FAM184A: variants seen among roughly 807,000 people sequenced by gnomAD.
FAM184A encodes the protein protein FAM184A.
FAM184A carries 99 observed loss-of-function variants against 143.8 expected under a neutral mutation model. That is an observed-to-expected ratio of 0.69 (90% CI 0.58 to 0.81). The LOEUF is 0.81. Ranked by LOEUF, FAM184A falls within the 40% of genes least tolerant of loss-of-function variation. The pLI is 0.00. For synonymous variants in FAM184A, 427 were observed against 446.4 expected, an observed-to-expected ratio of 0.96 and a Z score of 0.55; for missense variants, 1,217 against 1,310.5, an observed-to-expected ratio of 0.93 and a Z score of 1.10.
At chr6:119,119,223 G>A (rs571920380) in intron 1 of FAM184A, among the ~76,000 whole-genome samples, 7 of 152,296 alleles carry the variant, frequency 4.6e-5, no homozygotes, top group African/African-American at 1.2e-4. Context: ...ATTTCGCCCC[G>A]GTCCTGTGGT....
chr6:119,026,450 T>C (rs1182068182), intron 1 of FAM184A, among the ~76,000 whole-genome samples: 1 of 151,910 alleles, frequency 6.6e-6, no homozygotes, highest in African/African-American at 2.4e-5. Context: ...ACTGAAAGGA[T>C]CTGTGATATA....
chr6:119,120,182 T>C (rs181604892), intron 1 of FAM184A, among the ~76,000 whole-genome samples: 14 of 152,348 alleles, frequency 9.2e-5, no homozygotes, highest in African/African-American at 3.4e-4. Context: ...AATCCGCTTG[T>C]TCTTCCCAGC....
chr6:119,121,633 G>T (rs1030374461), intron 1 of FAM184A, among the ~76,000 whole-genome samples: 5 of 152,104 alleles, frequency 3.3e-5, no homozygotes, highest in African/African-American at 1.2e-4. Flanking sequence ...ATTCTAATGA[G>T]GACATCTAAG....
chr6:119,106,359 C>T (rs1024799408), intron 1 of FAM184A, among the ~76,000 whole-genome samples: 14 of 152,164 alleles, frequency 9.2e-5, no homozygotes, highest in Non-Finnish European at 7.3e-5. Flanking sequence ...TGCCACTGCA[C>T]TCCAGGGTGG....
At chr6:119,083,014 C>G (rs1462022352), upstream of FAM184A, among the ~76,000 whole-genome samples, 1 of 152,232 alleles carries the variant, frequency 6.6e-6, no homozygotes, top group Non-Finnish European at 1.5e-5. Context: ...GAAATCTAGG[C>G]AGAGGTTCTC....
intron 1 of FAM184A, among the ~76,000 whole-genome samples, chr6:119,041,720 G>A (rs868643302): frequency 2.0e-5 from 3 of 152,150 alleles, no homozygotes; most frequent in Non-Finnish European, 2.9e-5. Flanking sequence ...CTCCGGATCC[G>A]GCAGGGTGTC....
chr6:119,017,736 C>G (rs955878497), intron 4 of FAM184A, among the ~76,000 whole-genome samples: 18 of 152,256 alleles, frequency 1.2e-4, no homozygotes, highest in African/African-American at 3.6e-4. Flanking sequence ...TCCACCAGAT[C>G]TCATGTTGAA....
intron 1 of FAM184A, chr6:119,031,273 T>C (rs1785861083): frequency 6.6e-6 from 1 of 152,172 alleles, no homozygotes; most frequent in Admixed American, 6.5e-5. Flanking sequence ...CCCAATATGA[T>C]GGTATTTGGA....
At chr6:119,120,188 C>G (rs1412378801) in intron 1 of FAM184A, among the ~76,000 whole-genome samples, 2 of 152,242 alleles carry the variant, frequency 1.3e-5, no homozygotes, top group Non-Finnish European at 2.9e-5. Context: ...CTTGTTCTTC[C>G]CAGCCCCTGG....
At chr6:119,081,258 C>T (rs377415535), upstream of FAM184A, among the ~76,000 whole-genome samples, 3 of 152,332 alleles carry the variant, frequency 2.0e-5, no homozygotes, top group East Asian at 3.9e-4. Context: ...ACAGCTCACT[C>T]ACCATGACAA....
At chr6:119,076,798 T>C (rs1028472170) in intron 1 of FAM184A, among the ~76,000 whole-genome samples, 1 of 152,220 alleles carries the variant, frequency 6.6e-6, no homozygotes, top group Non-Finnish European at 1.5e-5. Flanking sequence ...TCCAAATGTG[T>C]AAATGTTCTG....
At chr6:119,125,303 G>A in intron 1 of FAM184A, among the ~76,000 whole-genome samples, 1 of 152,146 alleles carries the variant, frequency 6.6e-6, no homozygotes, top group East Asian at 1.9e-4. Flanking sequence ...TTGAGATGGA[G>A]TCTTGCTCTG....
At chr6:119,041,010 C>G (rs1374898714) in intron 1 of FAM184A, among the ~76,000 whole-genome samples, 7 of 152,174 alleles carry the variant, frequency 4.6e-5, no homozygotes, top group Non-Finnish European at 8.8e-5. Flanking sequence ...CCACTTCCTC[C>G]TTTAGCTCCC....
chr6:119,086,959 T>C (rs1788239354), intron 1 of FAM184A, among the ~76,000 whole-genome samples: 1 of 151,114 alleles, frequency 6.6e-6, no homozygotes, highest in African/African-American at 2.4e-5. Context: ...GACAGGACAT[T>C]GAGGCTGAGG....
intron 1 of FAM184A, among the ~76,000 whole-genome samples, chr6:119,065,183 T>C (rs1314054344): frequency 6.6e-6 from 1 of 152,208 alleles, no homozygotes; most frequent in Non-Finnish European, 1.5e-5. Context: ...ATGTCACCAT[T>C]CTGTGATCAT....
At chr6:119,043,249 A>C (rs1302207218) in intron 1 of FAM184A, among the ~76,000 whole-genome samples, 1 of 152,206 alleles carries the variant, frequency 6.6e-6, no homozygotes, top group Non-Finnish European at 1.5e-5. Context: ...AAAAGCCTCC[A>C]AGGACAGACA....
chr6:119,102,784 C>CAAAAAAA lies in FAM184A; in HGVS notation c.-202+46287_-202+46293dup, dbSNP rs58686018. ...CAGCCTGATGACAGAGACTCCATCT[C>CAAAAAAA]AAAAAAAAAAAAAAAAAAAAAAAGA... is the stretch of plus-strand genomic sequence containing the variant. On this transcript the variant is annotated intron_variant, in intron 1 of 16. Transcript: ENST00000352896. 3.6e-3 allele frequency among the ~76,000 whole-genome samples: 109 copies of CAAAAAAA among 30,050 alleles called. 1 individual carries two copies. The highest frequency in any genetic ancestry group is 8.0e-3 in the African/African-American group (64 of 8,046). 19.7% of individuals were successfully genotyped at this position (30,050 alleles called of 152,430 possible).
chr6:119,099,168 G>A (rs572917726), intron 1 of FAM184A, among the ~76,000 whole-genome samples: 8 of 152,112 alleles, frequency 5.3e-5, no homozygotes, highest in Non-Finnish European at 8.8e-5. Context: ...GCGCACACCT[G>A]AAGAGGGCAT....
upstream of FAM184A, among the ~76,000 whole-genome samples, chr6:119,080,952 C>A (rs1209598203): frequency 6.6e-6 from 1 of 152,158 alleles, no homozygotes; most frequent in African/African-American, 2.4e-5. Flanking sequence ...AACTTACAAT[C>A]ATGGCAGAAG....
Sources: allele counts gnomAD v4.1 joint callset (sites outside exome capture counted in the v4.1 genomes callset), GRCh38; gene constraint gnomAD v4.1.1; transcripts MANE v1.5; gene names NCBI Gene and HGNC (gene_info 2026-07-23, HGNC 2026-07-21).